The following SCN1A variants were observed in gnomAD, a reference collection of about 807,000 sequenced individuals.
SCN1A encodes the protein sodium voltage-gated channel alpha subunit 1.
In SCN1A, 13 loss-of-function variants were observed where a neutral mutation model predicts 193.7. The ratio of observed to expected loss-of-function variants is 0.07; its 90% CI spans 0.04 to 0.11. SCN1A has a LOEUF of 0.11. SCN1A is among the 10% of genes least tolerant of loss of function. The pLI is 1.00. For synonymous variants in SCN1A, 781 were observed against 843.6 expected, an observed-to-expected ratio of 0.93 and a Z score of 1.29; for missense variants, 1,432 against 2,451.1, an observed-to-expected ratio of 0.58 and a Z score of 8.78.
intron 21 of SCN1A, among the ~76,000 whole-genome samples, 188 bp downstream of exon 21, chr2:166,013,556 T>C (rs528552867): frequency 6.6e-6 from 1 of 151,644 alleles, no homozygotes; most frequent in South Asian, 2.1e-4. Flanking sequence ...TTCTTAAAAT[T>C]ATATTTACAT....
intron 16 of SCN1A, 76 bp downstream of exon 16, chr2:166,041,155 A>T (rs567413731): frequency 4.6e-4 from 489 of 1,072,552 alleles, no homozygotes; most frequent in Non-Finnish European, 6.5e-4. Flanking sequence ...AAAGACTGCT[A>T]TACACAATTA....
chr2:166,009,295 A>C (rs1368450120), intron 23 of SCN1A: 2 of 151,782 alleles, frequency 1.3e-5, no homozygotes, highest in Non-Finnish European at 3.0e-5. Flanking sequence ...CTTAACACTC[A>C]TACTTAGGCA....
chr2:166,110,327 A>T (rs1689159494), intron 2 of SCN1A, among the ~76,000 whole-genome samples: 1 of 152,206 alleles, frequency 6.6e-6, no homozygotes, highest in Admixed American at 6.5e-5. Context: ...AGGCCTCATG[A>T]ACCAAACAGT....
rs75857993 is a variant in SCN1A at position 166,061,041 on chromosome 2, T to C, written c.265-2353A>G. 7.3e-3 allele frequency among the ~76,000 whole-genome samples: 1,106 copies of C among 152,192 alleles called. 21 individuals carry two copies. Among genetic ancestry groups the C allele is most frequent in the African/African-American group, 0.026 (1,063 of 41,530 alleles). On this transcript the variant is annotated intron_variant, in intron 4 of 28. Coordinates refer to ENST00000674923, the MANE Select transcript of SCN1A (RefSeq NM_001165963.4). ...ATAATGAGAAAGAAATGACAATCCA[T>C]AGATGGCCTAAATCATGGGCTGGAG... is the stretch of plus-strand genomic sequence containing the variant.
intron 24 of SCN1A, among the ~76,000 whole-genome samples, chr2:166,000,559 T>A (rs1573995212): frequency 6.6e-6 from 1 of 151,710 alleles, no homozygotes; most frequent in East Asian, 1.9e-4. Context: ...TGAGGGAGGT[T>A]AGCAAAGCCT....
intron 2 of SCN1A, among the ~76,000 whole-genome samples, chr2:166,081,343 A>G (rs1212871749): frequency 6.6e-6 from 1 of 151,990 alleles, no homozygotes; most frequent in Admixed American, 6.6e-5. Context: ...AGGCAACCTT[A>G]TAAATGCTTT....
intron 2 of SCN1A, among the ~76,000 whole-genome samples, chr2:166,085,818 T>C (rs549247305): frequency 6.6e-6 from 1 of 152,234 alleles, no homozygotes; most frequent in East Asian, 1.9e-4. Flanking sequence ...AATCTAGACA[T>C]AGAACAAGTC....
At position 166,054,713 on chromosome 2, in the gene SCN1A, C is replaced by T; in HGVS notation, c.527G>A (p.Arg176Lys). Residue 176 changes from arginine (R) to lysine (K), a missense_variant, in exon 7 of 29, where the codon AGG becomes AAG. Coordinates refer to ENST00000674923, the MANE Select transcript of SCN1A (RefSeq NM_001165963.4). ...AGTAAAATCTTCTAAACAGAATCCC[C>T]TTGCAATAATTTTTATAAGTGATTC... ...TFESLIKIIA[R>K]GFCLEDFTFL... The T allele has an allele frequency of 6.2e-7, 1 of 1,611,468 alleles. No individual in the cohort carries two copies. The highest frequency in any genetic ancestry group is 8.5e-7 in the Non-Finnish European group (1 of 1,178,272).
At chr2:166,120,934 C>T (rs1480954211) in intron 2 of SCN1A, among the ~76,000 whole-genome samples, 1 of 151,722 alleles carries the variant, frequency 6.6e-6, no homozygotes, top group Non-Finnish European at 1.5e-5. Context: ...CTATTAATCT[C>T]TCCAATTTTG....
intron 2 of SCN1A, among the ~76,000 whole-genome samples, chr2:166,099,230 C>A (rs1048069747): frequency 6.6e-6 from 1 of 151,732 alleles, no homozygotes; most frequent in Admixed American, 6.6e-5. Context: ...TAAATGTAAT[C>A]CAGCATATAA....
chr2:166,018,723 C>T (rs571631007), intron 19 of SCN1A, among the ~76,000 whole-genome samples: 1 of 152,074 alleles, frequency 6.6e-6, no homozygotes, highest in Non-Finnish European at 1.5e-5. Context: ...ATGAGAATAA[C>T]ATCAAAATGG....
intron 2 of SCN1A, among the ~76,000 whole-genome samples, chr2:166,095,272 C>T (rs2106106595): frequency 6.6e-6 from 1 of 152,134 alleles, no homozygotes; most frequent in South Asian, 2.1e-4. Flanking sequence ...ATTTGTATTC[C>T]TCTTTTGCTC....
intron 2 of SCN1A, among the ~76,000 whole-genome samples, chr2:166,085,994 GTTAT>G (rs951908211): frequency 1.6e-4 from 25 of 152,208 alleles, no homozygotes; most frequent in African/African-American, 5.3e-4. Flanking sequence ...TTTTCTGTAT[GTTAT>G]TTATCATTTA....
chr2:166,105,367 A>G (rs924873865), intron 2 of SCN1A, among the ~76,000 whole-genome samples: 1 of 152,248 alleles, frequency 6.6e-6, no homozygotes, highest in Non-Finnish European at 1.5e-5. Flanking sequence ...GTGAAACAGA[A>G]AGAATCAACC....
chr2:166,002,926 A>T, intron 23 of SCN1A, 173 bp from the exon 24 acceptor site: 1 of 535,164 alleles, frequency 1.9e-6, no homozygotes, highest in Admixed American at 3.6e-5. Context: ...TTTTTTCTTA[A>T]GCAATACACT....
chr2:166,116,020 A>ATAGAAATTG (rs1689817988), intron 2 of SCN1A, among the ~76,000 whole-genome samples: 2 of 152,236 alleles, frequency 1.3e-5, no homozygotes, highest in African/African-American at 4.8e-5. Context: ...TTAGGTCTTC[A>ATAGAAATTG]CAGAAATGCA....
chr2:166,011,304 A>T (rs1425576075), intron 22 of SCN1A, among the ~76,000 whole-genome samples: 1 of 151,152 alleles, frequency 6.6e-6, no homozygotes, highest in Admixed American at 6.6e-5. Context: ...ATATGAAATC[A>T]GGATAGTTTT....
At chr2:166,038,887 G>A (rs916146797) in intron 17 of SCN1A, among the ~76,000 whole-genome samples, 9 of 152,236 alleles carry the variant, frequency 5.9e-5, no homozygotes, top group African/African-American at 2.2e-4. Flanking sequence ...GAAAAACTTG[G>A]AATATTTCCT....
In SCN1A at chr2:165,991,592, C is replaced by T; in HGVS notation, c.5683G>A (p.Ala1895Thr). 2 of 1,613,850 alleles carry T rather than the reference C, an allele frequency of 1.2e-6. No individual in the cohort carries two copies. The highest frequency in any genetic ancestry group is 1.7e-6 in the Non-Finnish European group (2 of 1,179,868). ...TAGGAGACCTTGGAAGGATTGGAAG[C>T]CATGAATCGCTCTTCCATCTGTATT... ...LRIQMEERFM[A>T]SNPSKVSYQP... Residue 1895 changes from alanine to threonine, a missense_variant, in exon 29 of 29, where the codon GCT becomes ACT. Physicochemically the swap from Ala to Thr is moderately conservative, Grantham distance 58. Around this residue, in one of 18 missense-constraint regions of SCN1A, gnomAD observed 148 missense variants for 160.3 expected, o/e 0.92. Coordinates refer to ENST00000674923, the MANE Select transcript of SCN1A (RefSeq NM_001165963.4).
Sources: gnomAD v4.1 joint callset for allele counts (sites outside exome capture counted in the v4.1 genomes callset) on GRCh38, gnomAD v4.1.1 for gene constraint, gnomAD v4.1.1 regional missense constraint, MANE v1.5 for transcripts, NCBI Gene and HGNC (gene_info 2026-07-23, HGNC 2026-07-21) for gene names.